The following MTMR11 variants were observed in gnomAD, a reference collection of about 807,000 sequenced individuals.
MTMR11 encodes the protein myotubularin-related protein 11.
In MTMR11, 89 loss-of-function variants were observed where a neutral mutation model predicts 100.0. The ratio of observed to expected loss-of-function variants is 0.89; its 90% CI spans 0.75 to 1.06. MTMR11 has a LOEUF of 1.06. MTMR11 is among the 50% of genes least tolerant of loss of function. The pLI is 0.00. For synonymous variants in MTMR11, 336 were observed against 326.3 expected (o/e 1.03, Z -0.32); for missense variants, 809 against 873.7 (o/e 0.93, Z 0.93).
chr1:149,935,831 C>T (rs1327522125), intron 2 of MTMR11, 126 bp from the exon 3 acceptor site: 3 of 1,176,978 alleles, frequency 2.5e-6, no homozygotes, highest in Non-Finnish European at 3.5e-6. Flanking sequence ...AAGCCCACTA[C>T]AATGTAAGCT....
chr1:149,931,183 T>A (rs2092655788), intron 13 of MTMR11, 77 bp downstream of exon 13: 1 of 1,584,840 alleles, frequency 6.3e-7, no homozygotes, highest in East Asian at 2.3e-5. Context: ...TCACCTCCAA[T>A]GGATTATACA....
In MTMR11 at chr1:149,933,178, A is replaced by C. The variant is rs190277411; in HGVS notation, c.985+228T>G. On this transcript the variant is annotated intron_variant, in intron 10 of 16. Coordinates refer to ENST00000439741, the MANE Select transcript of MTMR11 (RefSeq NM_001145862.2). Reference sequence around the variant, plus strand: ...ACCATGTTGGCCAGGTTGGTCTTGAACTCCTGCCCTCAAGTGATCTGCCCA... The same window carrying C: ...ACCATGTTGGCCAGGTTGGTCTTGACCTCCTGCCCTCAAGTGATCTGCCCA... 1.6e-3 allele frequency among the ~76,000 whole-genome samples: 237 copies of C among 150,008 alleles called. 1 individual carries two copies. The highest frequency in any genetic ancestry group is 5.4e-3 in the African/African-American group (220 of 40,786).
At position 149,929,396 on chromosome 1, in the gene MTMR11, T is replaced by C. The variant is rs1553766860; in HGVS notation, c.1942-79A>G. ...CTGCTTCTCTGCTACTTCTGGTGTC[T>C]TTAATTCTGTTTCCCCTTTCAGCTA... On this transcript the variant is annotated intron_variant, in intron 16 of 16. Transcript: ENST00000439741. The C allele has an allele frequency of 2.9e-6, 4 of 1,357,506 alleles. No individual in the cohort carries two copies. The African/African-American group carries it at 4.4e-5, about 15-fold the overall frequency. The allele number at this position is 1,357,506 out of a possible 1,614,324, so 84.1% of individuals were successfully genotyped here.
intron 15 of MTMR11, 200 bp from the exon 16 acceptor site, chr1:149,930,116 C>T: frequency 2.9e-6 from 2 of 700,540 alleles, no homozygotes; most frequent in Non-Finnish European, 4.7e-6. Context: ...GATTTTAGGG[C>T]ACCTTATGTG....
chr1:149,930,269 T>TA, intron 15 of MTMR11, 96 bp downstream of exon 15: 1 of 1,301,564 alleles, frequency 7.7e-7, no homozygotes, highest in Non-Finnish European at 1.1e-6. Flanking sequence ...TAGCTTTCCC[T>TA]AAGGAACTCA....
chr1:149,929,351 AC>A lies in MTMR11; in HGVS notation c.1942-35del, dbSNP rs782723740. The A allele has an allele frequency of 3.4e-5, 54 of 1,569,112 alleles. No individual in the cohort carries two copies. The African/African-American group carries it at 6.1e-4, about 18-fold the overall frequency. On this transcript the variant is annotated intron_variant, in intron 16 of 16. Coordinates refer to ENST00000439741, the MANE Select transcript of MTMR11 (RefSeq NM_001145862.2). ...GAGGCAAAGAGGAACAGAGAAGAAT[AC>A]TGTTGTAGCTCTGGCCCCCTGCTTC...
chr1:149,930,037 A>C, intron 15 of MTMR11, 121 bp from the exon 16 acceptor site: 2 of 1,061,206 alleles, frequency 1.9e-6, no homozygotes, highest in Non-Finnish European at 2.7e-6. Flanking sequence ...TAGAACTACA[A>C]GCCTCCCCAT....
In MTMR11 at chr1:149,935,100, G is replaced by A; in HGVS notation, c.354C>T (p.Leu118=). ...AVSGLSRVQL[L]RPGSLHKFIP... ...TAAATTTATGCAGGGACCCTGGACG[G>A]AGGAGCTGGACTCGGGACAAGCCGC... Residue 118 remains leucine, a synonymous_variant, in exon 5 of 17, where the codon CTC becomes CTT. Coordinates refer to ENST00000439741, the MANE Select transcript of MTMR11 (RefSeq NM_001145862.2). 2 of 1,614,158 alleles carry A rather than the reference G, an allele frequency of 1.2e-6. No individual in the cohort carries two copies. The highest frequency in any genetic ancestry group is 1.7e-6 in the Non-Finnish European group (2 of 1,180,036).
At position 149,936,808 on chromosome 1, in the gene MTMR11, G is replaced by T. The variant is rs986990797; in HGVS notation, c.-161C>A. 3.5e-5 allele frequency: 22 copies of T among 632,400 alleles called. No homozygotes were observed. The highest frequency in any genetic ancestry group is 6.0e-5 in the Admixed American group (2 of 33,196). 39.2% of individuals were successfully genotyped at this position (632,400 alleles called of 1,614,324 possible). On this transcript the variant is annotated 5_prime_UTR_variant, in exon 1 of 17. The change creates a new upstream start codon in the 5' untranslated region. Coordinates refer to ENST00000439741, the MANE Select transcript of MTMR11 (RefSeq NM_001145862.2). ...AGGAGCATTTGACGTGCACGGAGCAGAGTTTGGGGGTCCTTGGAAAGGTGT... is the reference window on the plus strand; with the variant it reads ...AGGAGCATTTGACGTGCACGGAGCATAGTTTGGGGGTCCTTGGAAAGGTGT...
At chr1:149,935,272 C>T (rs1046960494) in intron 4 of MTMR11, 27 bp downstream of exon 4, 2 of 1,609,894 alleles carry the variant, frequency 1.2e-6, no homozygotes, top group South Asian at 2.2e-5. Flanking sequence ...CCAGTGAACC[C>T]CTTCACCAAA....
intron 10 of MTMR11, 52 bp from the exon 11 acceptor site, chr1:149,932,382 A>G: frequency 6.9e-7 from 1 of 1,459,522 alleles, no homozygotes; most frequent in Non-Finnish European, 9.6e-7. Context: ...CTCAGGATTC[A>G]GGATTCAGGT....
intron 10 of MTMR11, among the ~76,000 whole-genome samples, chr1:149,932,807 CA>C (rs1437283480): frequency 2.6e-5 from 4 of 151,826 alleles, no homozygotes. Flanking sequence ...AAAAATTAGC[CA>C]GGCATGGTGG....
Position 149,930,823 on chromosome 1 carries a change from G to T in MTMR11, c.1433C>A (p.Thr478Asn), listed in dbSNP as rs150898491. Residue 478 changes from threonine (T) to asparagine (N), a missense_variant, in exon 14 of 17, where the codon ACC (threonine) becomes AAC (asparagine). Thr to Asn is a moderately conservative substitution (Grantham distance 65). Transcript: ENST00000439741. ...VPDTLTFLRNTPWERGKQSGQ... is the reference protein window; with the variant it reads ...VPDTLTFLRNNPWERGKQSGQ... ...GCTCTGCTTTCCGCGCTCCCAGGGG[G>T]TATTTCTCAGGAAGGTAAGGGTGTC... The T allele has an allele frequency of 1.1e-5, 17 of 1,595,860 alleles. No homozygotes were observed. The highest frequency in any genetic ancestry group is 6.7e-5 in the East Asian group (3 of 44,656).
At chr1:149,935,393 A>T (rs1553768889) in intron 3 of MTMR11, 34 bp from the exon 4 acceptor site, 1 of 1,610,412 alleles carries the variant, frequency 6.2e-7, no homozygotes, top group Non-Finnish European at 8.5e-7. Flanking sequence ...AGACATCTGA[A>T]ATCGCCCTCA....
At chr1:149,929,962 C>G in intron 15 of MTMR11, 46 bp from the exon 16 acceptor site, 2 of 1,561,994 alleles carry the variant, frequency 1.3e-6, no homozygotes, top group East Asian at 4.5e-5. Flanking sequence ...ACCAGATAAC[C>G]CTAGTTTCCC....
In MTMR11 at chr1:149,935,032, A is replaced by G. The variant is rs587593796; in HGVS notation, c.422T>C (p.Leu141Pro). 3.1e-6 allele frequency: 5 copies of G among 1,614,126 alleles called. No homozygotes were observed. In the East Asian group the frequency reaches 6.7e-5, roughly 22 times the overall value. The change falls in exon 5 of 17, where the codon CTC (leucine) becomes CCC (proline). Residue 141 changes from leucine to proline, a missense_variant. Leu to Pro is a moderately conservative substitution (Grantham distance 98). Transcript: ENST00000439741. ...GCCTCCAGCCTCAAAACCAACTCTG[A>G]GCAGCCGGAAGTCTCGGCCATGAAT... ...ILIHGRDFRL[L>P]RVGFEAGGLE...
chr1:149,931,477 G>C (rs782207600), intron 12 of MTMR11, 51 bp from the exon 13 acceptor site: 2 of 1,491,006 alleles, frequency 1.3e-6, no homozygotes, highest in Non-Finnish European at 1.8e-6. Context: ...CAAGAAACTA[G>C]GGCAGAAGAG....
At chr1:149,933,820 T>C (rs2092690632) in intron 8 of MTMR11, 35 bp downstream of exon 8, 3 of 1,610,346 alleles carry the variant, frequency 1.9e-6, no homozygotes, top group Non-Finnish European at 2.5e-6. Flanking sequence ...CATGACCCTC[T>C]AATCCACAGC....
chr1:149,930,767 C>G, intron 14 of MTMR11, 25 bp downstream of exon 14: 10 of 1,523,536 alleles, frequency 6.6e-6, no homozygotes, highest in Non-Finnish European at 8.8e-6. Flanking sequence ...AAAAAAAACA[C>G]GAGTCAAAAA....
Sources: allele counts gnomAD v4.1 joint callset (sites outside exome capture counted in the v4.1 genomes callset), GRCh38; gene constraint gnomAD v4.1.1; transcripts MANE v1.5; gene names NCBI Gene and HGNC (gene_info 2026-07-23, HGNC 2026-07-21).